NLGN4X: variants seen among roughly 807,000 people sequenced by gnomAD.
NLGN4X encodes neuroligin-4, X-linked.
In NLGN4X, 3 loss-of-function variants were observed where a neutral mutation model predicts 40.3. That is an observed-to-expected ratio of 0.07 (90% CI 0.03 to 0.19). The LOEUF is 0.19. Ranked by LOEUF, NLGN4X falls within the 10% of genes least tolerant of loss-of-function variation. The pLI, the probability that NLGN4X is intolerant of heterozygous loss-of-function variation, is 1.00. For synonymous variants in NLGN4X, 270 were observed against 306.8 expected, an observed-to-expected ratio of 0.88 and a Z score of 1.25; for missense variants, 382 against 708.3, an observed-to-expected ratio of 0.54 and a Z score of 5.23.
chrX:6,211,834 C>T (rs980894001), intron 1 of NLGN4X, among the ~76,000 whole-genome samples: 1 of 112,036 alleles, frequency 8.9e-6, no homozygotes, highest in Non-Finnish European at 1.9e-5. Flanking sequence ...TTACTATTAA[C>T]TACTAGCCTA....
In NLGN4X at chrX:6,192,535, C is replaced by G. The variant is rs142356926; in HGVS notation, c.-306+36006G>C. 8.9e-5 allele frequency among the ~76,000 whole-genome samples: 10 copies of G among 111,956 alleles called. No individual in the cohort carries two copies. In the East Asian group the frequency reaches 2.5e-3, roughly 29 times the overall value. On this transcript the variant is annotated intron_variant, in intron 1 of 5. Coordinates refer to ENST00000381095, the MANE Select transcript of NLGN4X (RefSeq NM_181332.3). ...AATGAATGAACCATCTACCTAAGGT[C>G]ATGCTGTAGTGTGTGCTTCCATCCT...
At chrX:6,214,556 C>G (rs1365686213) in intron 1 of NLGN4X, among the ~76,000 whole-genome samples, 1 of 111,230 alleles carries the variant, frequency 9.0e-6, no homozygotes, top group Non-Finnish European at 1.9e-5. Context: ...TTATATCTCC[C>G]AGGACTAAAC....
At chrX:5,997,853 A>T (rs973949282) in intron 3 of NLGN4X, among the ~76,000 whole-genome samples, 1 of 110,433 alleles carries the variant, frequency 9.1e-6, no homozygotes, top group Non-Finnish European at 1.9e-5. Context: ...GAGAAACCTG[A>T]AAGAAAACAT....
chrX:5,955,102 G>A (rs1427347516), intron 3 of NLGN4X, among the ~76,000 whole-genome samples: 5 of 111,697 alleles, frequency 4.5e-5, no homozygotes, highest in African/African-American at 6.5e-5. Flanking sequence ...TCACAATATC[G>A]AAAGTAGTCC....
rs765020852 is a variant in NLGN4X, at chrX:6,029,320, G to A, written c.585C>T (p.Asn195=). 2.0e-5 allele frequency: 24 copies of A among 1,209,230 alleles called. No individual in the cohort carries two copies. The highest frequency in any genetic ancestry group is 2.0e-4 in the Admixed American group (9 of 45,667). ...IDGSILASYG[N]VIVITINYRL... ...GGTAGTTAATGGTGATCACGATGAC[G>A]TTTCCGTAGCTTGCCAAAATGCTGC... The change falls in exon 3 of 6, where the codon AAC becomes AAT. Residue 195 remains asparagine, a synonymous_variant. Coordinates refer to ENST00000381095, the MANE Select transcript of NLGN4X (RefSeq NM_181332.3).
chrX:6,165,878 G>C (rs1354954829), intron 1 of NLGN4X, among the ~76,000 whole-genome samples: 1 of 110,669 alleles, frequency 9.0e-6, no homozygotes, highest in Admixed American at 9.7e-5. Context: ...ATATATATGG[G>C]GCACATGAGT....
intron 2 of NLGN4X, among the ~76,000 whole-genome samples, chrX:6,108,322 G>C (rs2039074694): frequency 9.0e-6 from 1 of 111,570 alleles, no homozygotes; most frequent in African/African-American, 3.3e-5. Context: ...GAATCTGCAG[G>C]ATACTGTGAA....
At chrX:6,000,547 C>T (rs145783133) in intron 3 of NLGN4X, among the ~76,000 whole-genome samples, 307 of 111,053 alleles carry the variant, frequency 2.8e-3, no homozygotes, top group African/African-American at 9.6e-3. Context: ...CTAGGTTGTG[C>T]CATCGTCCTG....
intron 5 of NLGN4X, among the ~76,000 whole-genome samples, chrX:5,894,716 C>T (rs2031393283): frequency 8.9e-6 from 1 of 112,226 alleles, no homozygotes; most frequent in African/African-American, 3.2e-5. Context: ...GATAACACTT[C>T]CCCTTCAAAA....
rs1473724855 is a variant in NLGN4X at position 6,059,036 on chromosome X, T to C, written c.473-29604A>G. ...GGAGATGACTATTGATCAAAGTGAATTAGATTTTGGAATTAGCTAAAAAAA... is the reference window on the plus strand; with the variant it reads ...GGAGATGACTATTGATCAAAGTGAACTAGATTTTGGAATTAGCTAAAAAAA... On this transcript the variant is annotated intron_variant, in intron 2 of 5. Coordinates refer to ENST00000381095, the MANE Select transcript of NLGN4X (RefSeq NM_181332.3). Among the ~76,000 whole-genome samples the C allele has an allele frequency of 2.7e-5, 3 of 110,895 alleles. No individual in the cohort carries two copies. In the East Asian group the frequency reaches 8.4e-4, roughly 31 times the overall value.
chrX:5,976,761 A>C (rs2035189413), intron 3 of NLGN4X, among the ~76,000 whole-genome samples: 1 of 112,872 alleles, frequency 8.9e-6, no homozygotes, highest in Non-Finnish European at 1.9e-5. Context: ...GTTCAGAAAG[A>C]TGTTTTTAAA....
chrX:6,143,720 C>T (rs1026792449), intron 2 of NLGN4X, among the ~76,000 whole-genome samples: 1 of 111,714 alleles, frequency 9.0e-6, no homozygotes, highest in Non-Finnish European at 1.9e-5. Flanking sequence ...GGCGTGGTGG[C>T]TCACACCTGT....
rs150691530 is a variant in NLGN4X at position 6,028,524 on chromosome X, T to C, written c.625+756A>G. On this transcript the variant is annotated intron_variant, in intron 3 of 5. Transcript: ENST00000381095. ...AAACACAAAAATTAGCTGAGTGTGG[T>C]GGCATGCGCCTGTAGTCCCAGCTAC... Among the ~76,000 whole-genome samples the C allele has an allele frequency of 9.5e-4, 105 of 110,205 alleles. 2 individuals are homozygous for C. The East Asian group carries it at 0.025, about 26-fold the overall frequency.
chrX:5,978,348 TCCTTC>T (rs2035273968), intron 3 of NLGN4X, among the ~76,000 whole-genome samples: 1 of 99,153 alleles, frequency 1.0e-5, no homozygotes, highest in African/African-American at 4.1e-5. Flanking sequence ...TTCTTTCCCT[TCCTTC>T]TCTTTCTTTC....
chrX:6,200,304 C>T (rs1460918900), intron 1 of NLGN4X, among the ~76,000 whole-genome samples: 1 of 111,836 alleles, frequency 8.9e-6, no homozygotes, highest in Non-Finnish European at 1.9e-5. Context: ...AGAACACAAT[C>T]GAGGGTGGAA....
In NLGN4X at chrX:6,228,757, T is replaced by C. The variant is rs1040326756; in HGVS notation, c.-522A>G. On this transcript the variant is annotated 5_prime_UTR_variant, in exon 1 of 6. Coordinates refer to ENST00000381095, the MANE Select transcript of NLGN4X (RefSeq NM_181332.3). Reference sequence around the variant, plus strand: ...GGAAATTCGTTGTTTCTGCCGCCAATAGTCTGTGGACGGGCAGAACAAGCA... The same window carrying C: ...GGAAATTCGTTGTTTCTGCCGCCAACAGTCTGTGGACGGGCAGAACAAGCA... 1 of 111,586 alleles carries C rather than the reference T, an allele frequency of 9.0e-6. No individual in the cohort carries two copies. Among genetic ancestry groups the C allele is most frequent in the Non-Finnish European group, 1.9e-5 (1 of 53,166 alleles). 9.2% of individuals were successfully genotyped at this position (111,586 alleles called of 1,213,427 possible). A position where few individuals can be genotyped will look rare whatever the true frequency, so the allele number is the denominator to read the frequency against.
intron 1 of NLGN4X, among the ~76,000 whole-genome samples, chrX:6,192,886 T>C (rs1016884571): frequency 3.6e-5 from 4 of 111,576 alleles, no homozygotes; most frequent in African/African-American, 1.3e-4. Flanking sequence ...ACAATCGGGC[T>C]CAAGGAAGGA....
rs1407406796 is a variant in NLGN4X, at chrX:5,936,586, A to G, written c.626-27347T>C. ...AATGAACACGTGGGAGTTGTTTTGC[A>G]AGAAAGTTCCCAGCTACGTCCCCTG... is the stretch of plus-strand genomic sequence containing the variant. On this transcript the variant is annotated intron_variant, in intron 3 of 5. Transcript: ENST00000381095. Among the ~76,000 whole-genome samples the G allele has an allele frequency of 2.5e-4, 28 of 111,888 alleles. 1 individual carries two copies. Among genetic ancestry groups the G allele is most frequent in the Admixed American group, 2.4e-3 (25 of 10,494 alleles).
chrX:5,949,225 T>G (rs1021939536), intron 3 of NLGN4X, among the ~76,000 whole-genome samples: 1 of 112,093 alleles, frequency 8.9e-6, no homozygotes, highest in South Asian at 3.7e-4. Flanking sequence ...TGCATCCATT[T>G]CTATCTATCA....
Sources: allele counts gnomAD v4.1 joint callset (sites outside exome capture counted in the v4.1 genomes callset), GRCh38; gene constraint gnomAD v4.1.1; transcripts MANE v1.5; gene names NCBI Gene and HGNC (gene_info 2026-07-23, HGNC 2026-07-21).